CIPC: variants seen among roughly 807,000 people sequenced by gnomAD.
CIPC encodes the protein CLOCK-interacting pacemaker.
CIPC carries 12 observed loss-of-function variants against 26.7 expected under a neutral mutation model. The ratio of observed to expected loss-of-function variants is 0.45; its 90% CI spans 0.29 to 0.73. The LOEUF (loss-of-function observed/expected upper bound fraction) is 0.73. Among genes scored for constraint, CIPC ranks in the 30% least tolerant of loss-of-function variants. CIPC has a pLI of 0.12. For synonymous variants in CIPC, 170 were observed against 189.8 expected (o/e 0.90, Z 0.86); for missense variants, 417 against 486.5 (o/e 0.86, Z 1.34).
At chr14:77,101,421 T>C (rs1467178216) in intron 1 of CIPC, among the ~76,000 whole-genome samples, 1 of 152,342 alleles carries the variant, frequency 6.6e-6, no homozygotes, top group East Asian at 1.9e-4. Flanking sequence ...AGAACTTTAC[T>C]GAAGATAGAG....
At chr14:77,111,438 T>A (rs1248927615) in intron 3 of CIPC, among the ~76,000 whole-genome samples, 1 of 152,248 alleles carries the variant, frequency 6.6e-6, no homozygotes, top group Non-Finnish European at 1.5e-5. Flanking sequence ...TAGCGTATTC[T>A]AAAATTAAAA....
intron 1 of CIPC, among the ~76,000 whole-genome samples, chr14:77,100,601 C>A (rs1166539626): frequency 6.6e-6 from 1 of 150,516 alleles, no homozygotes; most frequent in Non-Finnish European, 1.5e-5. Context: ...GACGGAGTCT[C>A]ACTCTTCACC....
intron 1 of CIPC, among the ~76,000 whole-genome samples, chr14:77,102,959 C>T (rs769693842): frequency 3.3e-5 from 5 of 152,168 alleles, no homozygotes; most frequent in Non-Finnish European, 7.3e-5. Context: ...TAAGCTGGGC[C>T]GTCCATGCTG....
chr14:77,105,725 C>T lies in CIPC; in HGVS notation c.17C>T (p.Pro6Leu), dbSNP rs377615689. 2 of 1,613,864 alleles carry T rather than the reference C, an allele frequency of 1.2e-6. No homozygotes were observed. The highest frequency in any genetic ancestry group is 1.3e-5 in the African/African-American group (1 of 74,888). ...GAATAAACCATGGAGAGGAAAAACCCATCCAGAGAGAGCCCCAGAAGACTC... is the reference window on the plus strand; with the variant it reads ...GAATAAACCATGGAGAGGAAAAACCTATCCAGAGAGAGCCCCAGAAGACTC... MERKN[P>L]SRESPRRLSA... Residue 6 changes from proline (P) to leucine (L), a missense_variant, in exon 2 of 4, where the codon CCA (proline) becomes CTA (leucine). Transcript: ENST00000361786.
chr14:77,108,399 G>A (rs1394298016), intron 2 of CIPC, among the ~76,000 whole-genome samples: 3 of 152,168 alleles, frequency 2.0e-5, no homozygotes, highest in Non-Finnish European at 2.9e-5. Flanking sequence ...CGGTTTAAAA[G>A]TGGTGATCTT....
chr14:77,105,735 G>T lies in CIPC; in HGVS notation c.27G>T (p.Glu9Asp), dbSNP rs2140028788. MERKNPSR[E>D]SPRRLSAKVG... ...TGGAGAGGAAAAACCCATCCAGAGAGAGCCCCAGAAGACTCTCTGCCAAAG... is the reference window on the plus strand; with the variant it reads ...TGGAGAGGAAAAACCCATCCAGAGATAGCCCCAGAAGACTCTCTGCCAAAG... The change falls in exon 2 of 4, where the codon GAG (glutamate) becomes GAT (aspartate). Residue 9 changes from glutamate to aspartate, a missense_variant. Physicochemically the swap from Glu to Asp is conservative, Grantham distance 45. Transcript: ENST00000361786. 2.5e-6 allele frequency: 4 copies of T among 1,614,102 alleles called. No individual in the cohort carries two copies. The highest frequency in any genetic ancestry group is 3.4e-6 in the Non-Finnish European group (4 of 1,179,984).
intron 3 of CIPC, among the ~76,000 whole-genome samples, chr14:77,111,288 C>T (rs1452586468): frequency 6.6e-6 from 1 of 152,186 alleles, no homozygotes; most frequent in Non-Finnish European, 1.5e-5. Context: ...TAGGCTTTTC[C>T]AGCAGAGCCA....
intron 2 of CIPC, among the ~76,000 whole-genome samples, chr14:77,107,427 G>A (rs535117756): frequency 1.3e-5 from 2 of 152,212 alleles, no homozygotes; most frequent in South Asian, 2.1e-4. Context: ...GCCACTCTTG[G>A]GCCAGGTGCC....
Position 77,109,882 on chromosome 14 carries a change from G to C in CIPC, c.207G>C (p.Trp69Cys). The change falls in exon 3 of 4, where the codon TGG becomes TGC. Residue 69 changes from tryptophan (W) to cysteine (C), a missense_variant. Trp to Cys is a radical substitution (Grantham distance 215, BLOSUM62 -2). Transcript: ENST00000361786. ...AGGACATGCTGAGCGCCTTAGGCTG[G>C]AGCAGAGAAGACAGGCCGAGGCAGA... is the stretch of plus-strand genomic sequence containing the variant. ...ESEDMLSALG[W>C]SREDRPRQNS... 2 of 1,614,192 alleles carry C rather than the reference G, an allele frequency of 1.2e-6. No homozygotes were observed. The highest frequency in any genetic ancestry group is 1.7e-6 in the Non-Finnish European group (2 of 1,180,038).
At chr14:77,103,119 G>T (rs1886523638) in intron 1 of CIPC, among the ~76,000 whole-genome samples, 1 of 152,212 alleles carries the variant, frequency 6.6e-6, no homozygotes, top group South Asian at 2.1e-4. Context: ...GAGGAAGCCA[G>T]TCCCCTTAAA....
chr14:77,113,735 G>T lies in CIPC; in HGVS notation c.617G>T (p.Gly206Val), dbSNP rs1476237336. Residue 206 changes from glycine (G) to valine (V), a missense_variant, in exon 4 of 4, where the codon GGT becomes GTT. By Grantham distance (109) the Gly-to-Val change is moderately radical. Transcript: ENST00000361786. ...SLSSSEPTKA[G>V]AVPSSPSTPA... is the part of the protein sequence containing the mutation. The stretch of plus-strand genomic sequence containing the variant: ...TCTTCCAGTGAGCCAACCAAGGCTG[G>T]TGCTGTCCCATCCAGTCCCTCGACG... The T allele has an allele frequency of 6.2e-7, 1 of 1,612,734 alleles. No homozygotes were observed. The highest frequency in any genetic ancestry group is 1.7e-5 in the Admixed American group (1 of 59,980).
Position 77,113,760 on chromosome 14 carries a change from G to C in CIPC, c.642G>C (p.Thr214=), listed in dbSNP as rs546253011. Residue 214 remains threonine (T), a synonymous_variant, in exon 4 of 4, where the codon ACG becomes ACC. Transcript: ENST00000361786. The part of the protein sequence containing the change: ...KAGAVPSSPS[T]PAPPSAKLAE... The stretch of plus-strand genomic sequence containing the variant: ...GTGCTGTCCCATCCAGTCCCTCGAC[G>C]CCAGCACCACCCAGCGCCAAACTTG... 1.2e-6 allele frequency: 2 copies of C among 1,613,188 alleles called. No individual in the cohort carries two copies. Among genetic ancestry groups the C allele is most frequent in the African/African-American group, 2.7e-5 (2 of 75,036 alleles).
At chr14:77,101,120 T>A (rs1886475625) in intron 1 of CIPC, among the ~76,000 whole-genome samples, 1 of 152,202 alleles carries the variant, frequency 6.6e-6, no homozygotes, top group Admixed American at 6.5e-5. Context: ...CATTTTCAAC[T>A]CCTAGTCAGT....
intron 2 of CIPC, chr14:77,106,204 T>G (rs759592): frequency 0.97 from 157,286 of 161,928 alleles, 76,516 homozygotes; most frequent in East Asian, 1. Flanking sequence ...GCATGTAGTT[T>G]CCATGTAACA....
chr14:77,105,755 C>G lies in CIPC; in HGVS notation c.47C>G (p.Ala16Gly), dbSNP rs754762197. 1 of 1,614,090 alleles carries G rather than the reference C, an allele frequency of 6.2e-7. No homozygotes were observed. Among genetic ancestry groups the G allele is most frequent in the South Asian group, 1.1e-5 (1 of 91,068 alleles). The change falls in exon 2 of 4, where the codon GCC becomes GGC. Residue 16 changes from alanine (A) to glycine (G), a missense_variant. Transcript: ENST00000361786. ...AGAGAGAGCCCCAGAAGACTCTCTG[C>G]CAAAGTAGGCAAAGGCACAGAGATG... ...PSRESPRRLS[A>G]KVGKGTEMKK...
chr14:77,116,393 A>G lies in CIPC; in HGVS notation c.*2075A>G, dbSNP rs1399469996. On this transcript the variant is annotated 3_prime_UTR_variant, in exon 4 of 4. Coordinates refer to ENST00000361786, the MANE Select transcript of CIPC (RefSeq NM_033426.3). ...GCAGAATATGTTTGGCAGCAAAGCT[A>G]TAGAGACAGGTGCATTCAGAACATC... 6 of 152,266 alleles carry G rather than the reference A, an allele frequency of 3.9e-5. No individual in the cohort carries two copies. Among genetic ancestry groups the G allele is most frequent in the South Asian group, 2.1e-4 (1 of 4,832 alleles). The allele number at this position is 152,266 out of a possible 1,614,324, so 9.4% of individuals were successfully genotyped here.
chr14:77,112,445 T>C (rs546660112), intron 3 of CIPC, among the ~76,000 whole-genome samples: 1 of 152,344 alleles, frequency 6.6e-6, no homozygotes, highest in South Asian at 2.1e-4. Context: ...CTTAGTAACT[T>C]GATGACTTAA....
intron 1 of CIPC, among the ~76,000 whole-genome samples, chr14:77,101,191 G>A (rs1249555432): frequency 1.3e-5 from 2 of 152,252 alleles, no homozygotes; most frequent in Admixed American, 6.5e-5. Context: ...GCAACTTCCC[G>A]AGGTTTTCAG....
chr14:77,112,982 G>T (rs1886734569), intron 3 of CIPC, among the ~76,000 whole-genome samples: 1 of 152,268 alleles, frequency 6.6e-6, no homozygotes, highest in African/African-American at 2.4e-5. Flanking sequence ...AAAATACTGG[G>T]ATTACAGGCA....
Sources: gnomAD v4.1 joint callset for allele counts (sites outside exome capture counted in the v4.1 genomes callset) on GRCh38, gnomAD v4.1.1 for gene constraint, MANE v1.5 for transcripts, NCBI Gene and HGNC (gene_info 2026-07-23, HGNC 2026-07-21) for gene names.